SLC37A3: variants seen among roughly 807,000 people sequenced by gnomAD.
SLC37A3 encodes solute carrier family 37 member 3, also known as sugar phosphate exchanger 3.
SLC37A3 carries 51 observed loss-of-function variants against 67.1 expected under a neutral mutation model. The ratio of observed to expected loss-of-function variants is 0.76; its 90% CI spans 0.61 to 0.96. The LOEUF (loss-of-function observed/expected upper bound fraction) is 0.96. Among genes scored for constraint, SLC37A3 ranks in the 40% least tolerant of loss-of-function variants. The pLI is 0.00. For missense variants in SLC37A3, 508 were observed against 603.0 expected, an observed-to-expected ratio of 0.84 and a Z score of 1.65; for synonymous variants, 214 against 231.4, an observed-to-expected ratio of 0.92 and a Z score of 0.68.
At chr7:140,343,764 ACT>A (rs1165709152) in intron 12 of SLC37A3, 18 of 552,296 alleles carry the variant, frequency 3.3e-5, no homozygotes, top group Non-Finnish European at 5.7e-5. Flanking sequence ...ATTATGTGAC[ACT>A]CTAGTATATT....
intron 3 of SLC37A3, among the ~76,000 whole-genome samples, chr7:140,375,900 A>C (rs1264550222): frequency 6.6e-6 from 1 of 152,150 alleles, no homozygotes; most frequent in African/African-American, 2.4e-5. Context: ...GGGGCCCTAA[A>C]TGTCTTCAAT....
Position 140,382,379 on chromosome 7 carries a change from T to C in SLC37A3, c.89+59A>G, listed in dbSNP as rs1021531695. The C allele has an allele frequency of 6.3e-6, 9 of 1,425,900 alleles. No homozygotes were observed. In the Admixed American group the frequency reaches 1.0e-4, roughly 16 times the overall value. The allele number at this position is 1,425,900 out of a possible 1,614,324, so 88.3% of individuals were successfully genotyped here. ...AGTGCATTTGACACTTGCCATGCAA[T>C]ATCTCCCTCAAAAGAAAAAAGAAAA... On this transcript the variant is annotated intron_variant, in intron 2 of 14. Coordinates refer to ENST00000326232, the MANE Select transcript of SLC37A3 (RefSeq NM_207113.3).
At chr7:140,377,650 T>C (rs1798086604) in intron 3 of SLC37A3, among the ~76,000 whole-genome samples, 1 of 152,186 alleles carries the variant, frequency 6.6e-6, no homozygotes, top group East Asian at 1.9e-4. Flanking sequence ...AAATGAAAGC[T>C]ATAAAAAGTA....
At chr7:140,367,746 T>C (rs1204197372) in intron 4 of SLC37A3, among the ~76,000 whole-genome samples, 4 of 151,444 alleles carry the variant, frequency 2.6e-5, no homozygotes, top group Admixed American at 1.3e-4. Flanking sequence ...GCCAGCTGCC[T>C]ATCCTGACGC....
chr7:140,347,915 G>A (rs1482250641), intron 10 of SLC37A3, among the ~76,000 whole-genome samples: 1 of 152,048 alleles, frequency 6.6e-6, no homozygotes, highest in Non-Finnish European at 1.5e-5. Flanking sequence ...TATGTTCCAT[G>A]ACCCCCGTGG....
At chr7:140,358,876 C>G (rs1041438244) in intron 5 of SLC37A3, 91 bp from the exon 6 acceptor site, 2 of 1,477,650 alleles carry the variant, frequency 1.4e-6, no homozygotes, top group African/African-American at 2.8e-5. Flanking sequence ...GAGTAGAGAC[C>G]ACGTGAAGGA....
intron 4 of SLC37A3, among the ~76,000 whole-genome samples, chr7:140,366,709 C>T (rs1011365580): frequency 1.3e-5 from 2 of 152,160 alleles, no homozygotes; most frequent in African/African-American, 4.8e-5. Context: ...CAGCTCCAGC[C>T]AAAGCCCCGT....
chr7:140,347,457 C>T (rs1359933149), intron 10 of SLC37A3, among the ~76,000 whole-genome samples: 3 of 152,070 alleles, frequency 2.0e-5, no homozygotes, highest in Non-Finnish European at 4.4e-5. Flanking sequence ...TGGACAATTT[C>T]AACTTCAGAG....
intron 1 of SLC37A3, among the ~76,000 whole-genome samples, chr7:140,393,757 T>C (rs1464380586): frequency 3.3e-5 from 5 of 152,170 alleles, no homozygotes. Flanking sequence ...CCCAGTTATC[T>C]GGTTTAATTG....
At position 140,348,653 on chromosome 7, in the gene SLC37A3, T is replaced by TG. The variant is rs1199983469; in HGVS notation, c.996dup (p.Ile333HisfsTer19). ...ATGATCCCTCCAACGTCGTACCAAA[T>TG]GGACAGCTTGTCGGCTTCCGCCTCC... On this transcript the variant is annotated frameshift_variant, in exon 10 of 15. Transcript: ENST00000326232. LOFTEE classifies it high-confidence loss of function. 1 of 1,614,046 alleles carries TG rather than the reference T, an allele frequency of 6.2e-7. No homozygotes were observed.
rs547303973 is a variant in SLC37A3 at position 140,337,266 on chromosome 7, A to G, written c.1392+18T>C. ...ACAGAAAAATGACTTTTTTTTTTTTAAAGGGGCACACACTTACCATGAGAA... is the reference window on the plus strand; with the variant it reads ...ACAGAAAAATGACTTTTTTTTTTTTGAAGGGGCACACACTTACCATGAGAA... On this transcript the variant is annotated intron_variant, in intron 14 of 14. Transcript: ENST00000326232. The G allele has an allele frequency of 8.4e-6, 12 of 1,433,620 alleles. No individual in the cohort carries two copies. The highest frequency in any genetic ancestry group is 1.0e-5 in the Non-Finnish European group (11 of 1,070,300). 88.8% of individuals were successfully genotyped at this position (1,433,620 alleles called of 1,614,324 possible). A position where few individuals can be genotyped will look rare whatever the true frequency, so the allele number is the denominator to read the frequency against.
intron 4 of SLC37A3, among the ~76,000 whole-genome samples, chr7:140,366,770 C>T (rs2072228576): frequency 6.6e-6 from 1 of 152,082 alleles, no homozygotes; most frequent in South Asian, 2.1e-4. Context: ...AGGAGGTAGA[C>T]TAAATGAATG....
intron 4 of SLC37A3, among the ~76,000 whole-genome samples, chr7:140,364,829 A>T (rs1270607319): frequency 6.6e-6 from 1 of 152,156 alleles, no homozygotes; most frequent in Non-Finnish European, 1.5e-5. Context: ...CTGGAAAAAA[A>T]TAAATAAATA....
chr7:140,376,926 AC>A (rs1442377343), intron 3 of SLC37A3, among the ~76,000 whole-genome samples: 11 of 144,648 alleles, frequency 7.6e-5, no homozygotes, highest in African/African-American at 2.8e-4. Context: ...GGTATGTGCC[AC>A]CACACCCAGC....
chr7:140,361,840 G>C (rs1277342577), intron 5 of SLC37A3, among the ~76,000 whole-genome samples: 1 of 140,548 alleles, frequency 7.1e-6, no homozygotes, highest in Non-Finnish European at 1.6e-5. Context: ...ACGGAGTCTC[G>C]TTCACTCAGT....
intron 4 of SLC37A3, among the ~76,000 whole-genome samples, chr7:140,365,219 A>AGG (rs1797551226): frequency 6.6e-6 from 1 of 152,216 alleles, no homozygotes; most frequent in African/African-American, 2.4e-5. Context: ...AGCACACTTT[A>AGG]GGTTTCTTCC....
intron 13 of SLC37A3, 58 bp from the exon 14 acceptor site, chr7:140,337,407 A>G: frequency 1.4e-6 from 2 of 1,389,414 alleles, no homozygotes; most frequent in South Asian, 2.8e-5. Context: ...AAAAGGAAGC[A>G]GCTAAAAAGT....
At chr7:140,362,324 G>A (rs1376404435) in intron 5 of SLC37A3, among the ~76,000 whole-genome samples, 3 of 141,050 alleles carry the variant, frequency 2.1e-5, no homozygotes, top group Non-Finnish European at 3.1e-5. Flanking sequence ...CAACCGCCCC[G>A]TCTGAGAAGT....
intron 10 of SLC37A3, among the ~76,000 whole-genome samples, chr7:140,347,247 CAA>C (rs554765652): frequency 2.4e-4 from 17 of 71,548 alleles, no homozygotes; most frequent in Admixed American, 8.0e-4. Flanking sequence ...CCCCCATCTC[CAA>C]AAAAAAAAAA....
Sources: gnomAD v4.1 joint callset for allele counts (sites outside exome capture counted in the v4.1 genomes callset) on GRCh38, gnomAD v4.1.1 for gene constraint, MANE v1.5 for transcripts, NCBI Gene and HGNC (gene_info 2026-07-23, HGNC 2026-07-21) for gene names.